The following TMEM51 variants were observed in gnomAD, a reference collection of about 807,000 sequenced individuals.
TMEM51 encodes the protein chromosome 1 open reading frame 72.
In TMEM51, 8 loss-of-function variants were observed where a neutral mutation model predicts 13.6. That is an observed-to-expected ratio of 0.59 (90% CI 0.35 to 1.07). The LOEUF is 1.07. TMEM51 is among the 50% of genes least tolerant of loss of function. TMEM51 has a pLI of 0.02. For missense variants in TMEM51, 279 were observed against 330.7 expected (o/e 0.84, Z 1.21); for synonymous variants, 147 against 144.4 (o/e 1.02, Z -0.13).
intron 1 of TMEM51, among the ~76,000 whole-genome samples, chr1:15,187,718 G>A (rs1044213626): frequency 1.3e-5 from 2 of 152,280 alleles, no homozygotes; most frequent in East Asian, 3.9e-4. Context: ...CGTCTTCTAG[G>A]GCAGTGGCCT....
In TMEM51 at chr1:15,219,958, CT is replaced by C; in HGVS notation, c.*217del. ...CAGGTGCTTTGGAAAGAGATGCTGC[CT>C]TGGAGCTGGTGAATCTGTGGACCAC... On this transcript the variant is annotated 3_prime_UTR_variant, in exon 4 of 4. Coordinates refer to ENST00000376008, the MANE Select transcript of TMEM51 (RefSeq NM_001136218.2). 1 of 585,830 alleles carries C rather than the reference CT, an allele frequency of 1.7e-6. No homozygotes were observed. The allele number at this position is 585,830 out of a possible 1,614,324, so 36.3% of individuals were successfully genotyped here. A position where few individuals can be genotyped will look rare whatever the true frequency, so the allele number is the denominator to read the frequency against.
At chr1:15,192,373 A>G in intron 1 of TMEM51, 1 of 406,958 alleles carries the variant, frequency 2.5e-6, no homozygotes. Context: ...GCACACTAGT[A>G]TCAGGAACTC....
chr1:15,157,261 G>T (rs1439984210), intron 1 of TMEM51, among the ~76,000 whole-genome samples: 1 of 152,152 alleles, frequency 6.6e-6, no homozygotes, highest in Non-Finnish European at 1.5e-5. Flanking sequence ...CCTTCTGTCT[G>T]TGGTGTTTAC....
chr1:15,179,599 A>G (rs938243026), intron 1 of TMEM51, among the ~76,000 whole-genome samples: 3 of 152,164 alleles, frequency 2.0e-5, no homozygotes, highest in African/African-American at 7.2e-5. Context: ...CCTGGGCAAC[A>G]TGGCAAAACC....
chr1:15,215,380 C>T lies in TMEM51; in HGVS notation c.293C>T (p.Ala98Val), dbSNP rs1166842663. The change falls in exon 3 of 4, where the codon GCC becomes GTC. Residue 98 changes from alanine to valine, a missense_variant. By Grantham distance (64) the Ala-to-Val change is moderately conservative. Transcript: ENST00000376008. Reference protein sequence around the residue: ...KRKQRQGEDLAHVQHPTGAGP... With the variant: ...KRKQRQGEDLVHVQHPTGAGP... ...AAGCAGCGGCAGGGCGAGGACCTGG[C>T]CCATGTCCAGCACCCGACAGGCGCT... The T allele has an allele frequency of 6.2e-7, 1 of 1,610,040 alleles. No homozygotes were observed.
intron 1 of TMEM51, among the ~76,000 whole-genome samples, chr1:15,165,524 C>T (rs1573377854): frequency 6.6e-6 from 1 of 152,124 alleles, no homozygotes; most frequent in Admixed American, 6.5e-5. Context: ...AACTGGAGAA[C>T]AGTCTGAAAA....
In TMEM51 at chr1:15,199,383, C is replaced by T. The variant is rs1231331899; in HGVS notation, c.-266-11107C>T. On this transcript the variant is annotated intron_variant, in intron 1 of 3. Transcript: ENST00000376008. ...TCCTGACTTTTAGCTGATCCACCCT[C>T]CTTGCCCTCCCAAAGTGCTGGGATT... Among the ~76,000 whole-genome samples, 6 of 152,164 alleles carry T rather than the reference C, an allele frequency of 3.9e-5. No homozygotes were observed. In the East Asian group the frequency reaches 5.8e-4, roughly 15 times the overall value.
chr1:15,189,201 A>G (rs6664158), intron 1 of TMEM51, among the ~76,000 whole-genome samples: 85,269 of 134,714 alleles, frequency 0.63, 26,487 homozygotes, highest in East Asian at 0.94. Context: ...CACCACACCC[A>G]GCTAATTTTT....
chr1:15,171,172 A>G (rs955860813), intron 1 of TMEM51: 19 of 1,294,740 alleles, frequency 1.5e-5, no homozygotes, highest in Non-Finnish European at 1.9e-5. Flanking sequence ...CAGGATTTGC[A>G]TTTCTAACCA....
intron 1 of TMEM51, among the ~76,000 whole-genome samples, chr1:15,155,610 G>A (rs1410444545): frequency 1.3e-5 from 2 of 152,232 alleles, no homozygotes; most frequent in East Asian, 1.9e-4. Flanking sequence ...GAGGAAGGGT[G>A]TCTGGGCAGA....
Position 15,153,804 on chromosome 1 carries a change from C to G in TMEM51, c.-417C>G, listed in dbSNP as rs1468149732. 2 of 151,332 alleles carry G rather than the reference C, an allele frequency of 1.3e-5. No homozygotes were observed. Among genetic ancestry groups the G allele is most frequent in the Non-Finnish European group, 3.0e-5 (2 of 67,612 alleles). The allele number at this position is 151,332 out of a possible 1,614,324, so 9.4% of individuals were successfully genotyped here. ...CTGAGAGGGCAGTGCGCCCTCTCCA[C>G]CACTGCGTTCCCTCGGCTAAGAATC... On this transcript the variant is annotated 5_prime_UTR_variant, in exon 1 of 4. Transcript: ENST00000376008.
Position 15,219,825 on chromosome 1 carries a change from T to C in TMEM51, c.*82T>C, listed in dbSNP as rs1214913496. 14 of 1,495,000 alleles carry C rather than the reference T, an allele frequency of 9.4e-6. No homozygotes were observed. The highest frequency in any genetic ancestry group is 1.3e-5 in the Non-Finnish European group (14 of 1,109,410). 92.6% of individuals were successfully genotyped at this position (1,495,000 alleles called of 1,614,324 possible). ...TCTAACAAAGCCACATGAGCCACAG[T>C]TGAGAAGCGGAGGGGCCAGCTGTGC... On this transcript the variant is annotated 3_prime_UTR_variant, in exon 4 of 4. Transcript: ENST00000376008.
intron 1 of TMEM51, among the ~76,000 whole-genome samples, chr1:15,190,260 G>A (rs1014264253): frequency 6.6e-5 from 10 of 152,190 alleles, no homozygotes; most frequent in African/African-American, 1.2e-4. Context: ...GAGTGTTTGT[G>A]ACTCTAGCAT....
chr1:15,186,751 G>A (rs1314998958), intron 1 of TMEM51, among the ~76,000 whole-genome samples: 3 of 152,194 alleles, frequency 2.0e-5, no homozygotes, highest in African/African-American at 7.2e-5. Flanking sequence ...TTGCCTGAGG[G>A]TGGGATGGTC....
At chr1:15,181,554 C>T (rs2100234766) in intron 1 of TMEM51, among the ~76,000 whole-genome samples, 1 of 152,328 alleles carries the variant, frequency 6.6e-6, no homozygotes, top group East Asian at 1.9e-4. Context: ...TCTTTACTCC[C>T]TTGCAAGAGA....
intron 1 of TMEM51, among the ~76,000 whole-genome samples, chr1:15,164,038 C>T (rs952503761): frequency 6.6e-6 from 1 of 151,894 alleles, no homozygotes; most frequent in African/African-American, 2.4e-5. Flanking sequence ...CCATGTTGGC[C>T]AGGCTGGTCT....
intron 1 of TMEM51, among the ~76,000 whole-genome samples, chr1:15,187,364 T>C (rs1046072778): frequency 3.3e-5 from 5 of 152,242 alleles, no homozygotes; most frequent in Non-Finnish European, 4.4e-5. Flanking sequence ...CATGCCTCTC[T>C]GTTCCTTCCT....
At chr1:15,203,335 A>C (rs1372130018) in intron 1 of TMEM51, among the ~76,000 whole-genome samples, 1 of 147,606 alleles carries the variant, frequency 6.8e-6, no homozygotes, top group Non-Finnish European at 1.5e-5. Context: ...CTCACTTGCA[A>C]CCTCCGCCTC....
chr1:15,186,216 C>A (rs1421026597), intron 1 of TMEM51, among the ~76,000 whole-genome samples: 3 of 152,190 alleles, frequency 2.0e-5, no homozygotes, highest in African/African-American at 7.2e-5. Context: ...GTCTTTGATT[C>A]TTTGGCACTG....
Sources: gnomAD v4.1 joint callset for allele counts (sites outside exome capture counted in the v4.1 genomes callset) on GRCh38, gnomAD v4.1.1 for gene constraint, MANE v1.5 for transcripts, NCBI Gene and HGNC (gene_info 2026-07-23, HGNC 2026-07-21) for gene names.